Variants in CTNND2 observed in about 807,000 individuals in gnomAD.
CTNND2 encodes catenin delta-2.
A neutral mutation model predicts 144.4 loss-of-function variants in CTNND2; 22 were observed. The ratio of observed to expected loss-of-function variants is 0.15; its 90% CI spans 0.11 to 0.22. The LOEUF is 0.22. CTNND2 is among the 10% of genes least tolerant of loss of function. The pLI is 1.00. For synonymous variants in CTNND2, 751 were observed against 695.6 expected, an observed-to-expected ratio of 1.08 and a Z score of -1.25; for missense variants, 1,353 against 1,618.8, an observed-to-expected ratio of 0.84 and a Z score of 2.82.
At chr5:11,082,869 G>T in intron 15 of CTNND2, 23 bp from the exon 16 acceptor site, 1 of 1,611,632 alleles carries the variant, frequency 6.2e-7, no homozygotes, top group South Asian at 1.1e-5. Context: ...GGAAGGCGAA[G>T]GGCGTTAGAA....
At chr5:11,323,777 T>C (rs1752276816) in intron 9 of CTNND2, among the ~76,000 whole-genome samples, 1 of 152,202 alleles carries the variant, frequency 6.6e-6, no homozygotes, top group Admixed American at 6.5e-5. Flanking sequence ...GGTGTAAATA[T>C]GACACTCTGG....
At chr5:11,481,221 T>C (rs1224082691) in intron 3 of CTNND2, among the ~76,000 whole-genome samples, 1 of 152,154 alleles carries the variant, frequency 6.6e-6, no homozygotes, top group African/African-American at 2.4e-5. Context: ...AAAAATTTGA[T>C]ACCTTGCTCC....
At chr5:11,139,583 C>T (rs1053024365) in intron 12 of CTNND2, among the ~76,000 whole-genome samples, 1 of 152,208 alleles carries the variant, frequency 6.6e-6, no homozygotes, top group Non-Finnish European at 1.5e-5. Flanking sequence ...TCTCTGTTTG[C>T]TGCTAGACCT....
chr5:11,818,657 C>T (rs957080352), intron 1 of CTNND2, among the ~76,000 whole-genome samples: 1 of 152,078 alleles, frequency 6.6e-6, no homozygotes, highest in Admixed American at 6.5e-5. Flanking sequence ...CGTTAGCCAC[C>T]GCCCACGGCC....
At chr5:11,328,908 C>G (rs1223751079) in intron 9 of CTNND2, among the ~76,000 whole-genome samples, 1 of 152,154 alleles carries the variant, frequency 6.6e-6, no homozygotes, top group African/African-American at 2.4e-5. Context: ...GCAAAATATC[C>G]CAGATTTGGT....
At chr5:11,388,667 T>C (rs967420480) in intron 6 of CTNND2, among the ~76,000 whole-genome samples, 3 of 152,378 alleles carry the variant, frequency 2.0e-5, no homozygotes, top group Admixed American at 1.3e-4. Flanking sequence ...CTTGTGCTTA[T>C]GTTTTCTTTC....
At chr5:11,472,035 A>G (rs1225442613) in intron 3 of CTNND2, among the ~76,000 whole-genome samples, 4 of 152,230 alleles carry the variant, frequency 2.6e-5, no homozygotes, top group African/African-American at 9.6e-5. Context: ...ATTCAAAGGT[A>G]TCCTAAACAA....
intron 9 of CTNND2, among the ~76,000 whole-genome samples, chr5:11,244,543 G>A (rs763280139): frequency 4.6e-5 from 7 of 151,998 alleles, no homozygotes; most frequent in Non-Finnish European, 8.8e-5. Flanking sequence ...CCTTGGCCTC[G>A]CAAAGTGCTG....
chr5:11,758,975 ATCAG>A (rs1348253816), intron 1 of CTNND2, among the ~76,000 whole-genome samples: 1 of 152,060 alleles, frequency 6.6e-6, no homozygotes, highest in Non-Finnish European at 1.5e-5. Flanking sequence ...TTGTTAGAAA[ATCAG>A]TCAATTATAA....
intron 3 of CTNND2, among the ~76,000 whole-genome samples, chr5:11,447,677 G>A (rs545210878): frequency 2.6e-5 from 4 of 152,278 alleles, no homozygotes; most frequent in East Asian, 1.9e-4. Context: ...TGGATGGCCT[G>A]TCCCTGAGGG....
At chr5:11,311,679 TCA>T (rs1020444887) in intron 9 of CTNND2, among the ~76,000 whole-genome samples, 2 of 124,364 alleles carry the variant, frequency 1.6e-5, no homozygotes, top group Non-Finnish European at 3.3e-5. Context: ...ACATATGCTC[TCA>T]CACACTCACT....
intron 9 of CTNND2, among the ~76,000 whole-genome samples, chr5:11,270,673 C>A (rs1745906227): frequency 6.6e-6 from 1 of 152,278 alleles, no homozygotes; most frequent in East Asian, 1.9e-4. Context: ...GCTCTTTTCT[C>A]CCTAAATCAG....
intron 3 of CTNND2, among the ~76,000 whole-genome samples, chr5:11,431,179 G>A (rs1763255711): frequency 6.6e-6 from 1 of 151,936 alleles, no homozygotes. Flanking sequence ...GCATTCTATT[G>A]CTTGCATGCC....
chr5:11,437,336 T>A (rs1233163736), intron 3 of CTNND2, among the ~76,000 whole-genome samples: 1 of 152,194 alleles, frequency 6.6e-6, no homozygotes, highest in Non-Finnish European at 1.5e-5. Context: ...TCTGTCATCA[T>A]CTTTATGTGC....
At chr5:11,003,743 A>G (rs765216002) in intron 18 of CTNND2, among the ~76,000 whole-genome samples, 9 of 152,352 alleles carry the variant, frequency 5.9e-5, no homozygotes, top group Middle Eastern at 6.8e-3. Flanking sequence ...TCCAAGAGCT[A>G]TTAGAGTTAA....
rs1301007579 is a variant in CTNND2 at position 11,903,280 on chromosome 5, A to G, written c.37+537T>C. On this transcript the variant is annotated intron_variant, in intron 1 of 21. Coordinates refer to ENST00000304623, the MANE Select transcript of CTNND2 (RefSeq NM_001332.4). The surrounding 1 kb of genome is among the most constrained non-coding windows in gnomAD (Gnocchi z 5.4). ...AAGGCTTGCTGGGAAGCCGCTAAATATAGACCAAGGGGGCTCAGGGTCTGG... is the reference window on the plus strand; with the variant it reads ...AAGGCTTGCTGGGAAGCCGCTAAATGTAGACCAAGGGGGCTCAGGGTCTGG... 2.3e-5 allele frequency: 23 copies of G among 985,638 alleles called. No individual in the cohort carries two copies. The highest frequency in any genetic ancestry group is 2.8e-5 in the Non-Finnish European group (23 of 830,076). 61.1% of individuals were successfully genotyped at this position (985,638 alleles called of 1,614,324 possible).
chr5:11,383,490 G>C (rs1023462913), intron 7 of CTNND2, among the ~76,000 whole-genome samples: 4 of 152,206 alleles, frequency 2.6e-5, no homozygotes, highest in African/African-American at 7.2e-5. Context: ...ATTTGAGAGA[G>C]AGGCAGTGAG....
At chr5:10,975,217 C>T (rs1469827549) in intron 21 of CTNND2, among the ~76,000 whole-genome samples, 1 of 152,168 alleles carries the variant, frequency 6.6e-6, no homozygotes, top group African/African-American at 2.4e-5. Context: ...TGCTGCTGAA[C>T]TCCACTCCAA....
At chr5:11,053,572 T>C (rs1746060714) in intron 16 of CTNND2, among the ~76,000 whole-genome samples, 1 of 152,228 alleles carries the variant, frequency 6.6e-6, no homozygotes, top group Non-Finnish European at 1.5e-5. Flanking sequence ...CGCAGCACTG[T>C]TACCTTGAAG....
Sources: allele counts gnomAD v4.1 joint callset (sites outside exome capture counted in the v4.1 genomes callset), GRCh38; gene constraint gnomAD v4.1.1; non-coding constraint Gnocchi (gnomAD v3.1); transcripts MANE v1.5; gene names NCBI Gene and HGNC (gene_info 2026-07-23, HGNC 2026-07-21).